Variants in TXNDC8 observed in about 807,000 individuals in gnomAD.
TXNDC8 encodes thioredoxin domain containing 8.
In TXNDC8, 15 loss-of-function variants were observed where a neutral mutation model predicts 12.9. That is an observed-to-expected ratio of 1.16 (90% CI 0.78 to 1.79). The LOEUF (loss-of-function observed/expected upper bound fraction) is 1.79. Ranked by LOEUF, TXNDC8 falls within the 40% of genes most tolerant of loss-of-function variation. TXNDC8 has a pLI of 0.00. For synonymous variants in TXNDC8, 40 were observed against 35.4 expected (o/e 1.13, Z -0.46); for missense variants, 128 against 113.2 (o/e 1.13, Z -0.59).
intron 2 of TXNDC8, 103 bp from the exon 4 acceptor site, chr9:110,326,343 A>G: frequency 8.9e-7 from 1 of 1,120,652 alleles, no homozygotes. Context: ...TGAAATTCCA[A>G]GGACACCTGA....
intron 3 of TXNDC8, among the ~76,000 whole-genome samples, chr9:110,310,200 G>GGTGTGT (rs67807947): frequency 2.7e-5 from 4 of 149,402 alleles, no homozygotes; most frequent in African/African-American, 9.8e-5. Context: ...CTTTGTGTGT[G>GGTGTGT]GTGTGTGTGT....
intron 3 of TXNDC8, among the ~76,000 whole-genome samples, chr9:110,312,166 A>G (rs1838714297): frequency 6.6e-6 from 1 of 152,158 alleles, no homozygotes; most frequent in Non-Finnish European, 1.5e-5. Context: ...ACAGCTTTTA[A>G]TAATTTAGTA....
In TXNDC8 at chr9:110,308,028, A is replaced by G. The variant is rs185071808; in HGVS notation, c.196-3496T>C. Reference sequence around the variant, plus strand: ...GTTCACATTTGGCAACCACAAAGGGATTCTGAGTGGAGTTACCCCTGACCT... The same window carrying G: ...GTTCACATTTGGCAACCACAAAGGGGTTCTGAGTGGAGTTACCCCTGACCT... On this transcript the variant is annotated intron_variant, in intron 3 of 4. Coordinates refer to ENST00000423740, the MANE Select transcript of TXNDC8 (RefSeq NM_001286946.2). 1.1e-4 allele frequency among the ~76,000 whole-genome samples: 17 copies of G among 152,320 alleles called. No individual in the cohort carries two copies. The East Asian group carries it at 3.3e-3, about 29-fold the overall frequency.
chr9:110,328,559 C>A (rs1839427563), intron 2 of TXNDC8, among the ~76,000 whole-genome samples: 1 of 152,226 alleles, frequency 6.6e-6, no homozygotes, highest in Non-Finnish European at 1.5e-5. Context: ...GTAATCCCAA[C>A]ACTTTGGGAG....
intron 3 of TXNDC8, among the ~76,000 whole-genome samples, chr9:110,308,046 C>T (rs1196344124): frequency 8.5e-5 from 13 of 152,210 alleles, no homozygotes; most frequent in Non-Finnish European, 1.8e-4. Flanking sequence ...TGGAGTTACC[C>T]CTGACCTTTG....
chr9:110,303,736 A>G (rs770136304), intron 4 of TXNDC8, 153 bp from the exon 6 acceptor site: 6 of 1,521,078 alleles, frequency 3.9e-6, no homozygotes, highest in East Asian at 4.8e-5. Flanking sequence ...CATTAAACAC[A>G]TTAAATTCAT....
intron 3 of TXNDC8, among the ~76,000 whole-genome samples, chr9:110,312,041 G>A (rs956619931): frequency 6.6e-6 from 1 of 151,416 alleles, no homozygotes; most frequent in South Asian, 2.1e-4. Flanking sequence ...CAGAGCAGGA[G>A]TTATCTGCAT....
chr9:110,304,524 T>C lies in TXNDC8; in HGVS notation c.204A>G (p.Leu68=), dbSNP rs1470444354. ...AAATTATTCTTTTGATTCTTGAGAA[T>C]AGGGTTACCTAAGTGTGGGTGCAGA... Residue 68 remains leucine (L), a synonymous_variant, in exon 4 of 5, where the codon CTA becomes CTG. Transcript: ENST00000423740. The C allele has an allele frequency of 1.2e-6, 2 of 1,608,590 alleles. No homozygotes were observed. The highest frequency in any genetic ancestry group is 1.7e-6 in the Non-Finnish European group (2 of 1,176,550).
chr9:110,305,796 TCTTTTCTTTTCTTTC>T (rs1435795822), intron 3 of TXNDC8, among the ~76,000 whole-genome samples: 3 of 99,372 alleles, frequency 3.0e-5, no homozygotes, highest in East Asian at 3.7e-4. Flanking sequence ...TTCTTTCTTT[TCTTTTCTTTTCTTTC>T]CTTTCCTTTC....
At chr9:110,329,331 T>C (rs749026360) in intron 2 of TXNDC8, 40 bp from the exon 3 acceptor site, 4 of 1,520,838 alleles carry the variant, frequency 2.6e-6, no homozygotes, top group South Asian at 2.3e-5. Context: ...TAGTTTGGTG[T>C]TAATATTAAA....
chr9:110,302,112 C>T (rs1289956204), downstream of TXNDC8, among the ~76,000 whole-genome samples: 1 of 152,102 alleles, frequency 6.6e-6, no homozygotes, highest in Admixed American at 6.6e-5. Flanking sequence ...ACCTCAGCCT[C>T]CCAAGCAGCT....
At chr9:110,331,595 A>T (rs1320007153) in intron 2 of TXNDC8, among the ~76,000 whole-genome samples, 1 of 152,168 alleles carries the variant, frequency 6.6e-6, no homozygotes. Context: ...ACAGTCATCT[A>T]ACCTTTTTGA....
At position 110,308,670 on chromosome 9, in the gene TXNDC8, TA is replaced by T. The variant is rs879490229; in HGVS notation, c.196-4139del. On this transcript the variant is annotated intron_variant, in intron 3 of 4. Coordinates refer to ENST00000423740, the MANE Select transcript of TXNDC8 (RefSeq NM_001286946.2). ...GGTTTCTGTGTTTGCTTCCTGTCTT[TA>T]AAAAAAAAAAGGTTCTCTCATTTAC... is the stretch of plus-strand genomic sequence containing the variant. 1.9e-3 allele frequency among the ~76,000 whole-genome samples: 271 copies of T among 145,270 alleles called. 1 individual carries two copies. Among genetic ancestry groups the T allele is most frequent in the African/African-American group, 4.1e-3 (165 of 39,950 alleles).
intron 3 of TXNDC8, 37 bp from the exon 5 acceptor site, chr9:110,304,569 T>C: frequency 1.3e-6 from 2 of 1,575,898 alleles, no homozygotes; most frequent in African/African-American, 2.7e-5. Context: ...TTTATCTGAG[T>C]TGCCTGGTTT....
chr9:110,304,631 G>C (rs563547209), intron 3 of TXNDC8, 99 bp from the exon 5 acceptor site: 7 of 1,104,624 alleles, frequency 6.3e-6, no homozygotes, highest in Non-Finnish European at 8.9e-6. Context: ...GGGAAGGAAG[G>C]TGTCAGAAAG....
chr9:110,317,846 A>G (rs529093110), intron 3 of TXNDC8, among the ~76,000 whole-genome samples: 4 of 152,224 alleles, frequency 2.6e-5, no homozygotes, highest in Admixed American at 6.5e-5. Flanking sequence ...TGTGTCTCCA[A>G]GAGAACTATG....
intron 3 of TXNDC8, among the ~76,000 whole-genome samples, chr9:110,318,703 C>T (rs982034098): frequency 1.3e-5 from 2 of 151,532 alleles, no homozygotes; most frequent in Non-Finnish European, 2.9e-5. Context: ...GTGCCACTGC[C>T]CTCCAGCCTG....
At chr9:110,333,323 T>C (rs1423923787) in intron 2 of TXNDC8, among the ~76,000 whole-genome samples, 1 of 152,114 alleles carries the variant, frequency 6.6e-6, no homozygotes, top group African/African-American at 2.4e-5. Flanking sequence ...ACTGTGCATG[T>C]GAGGGAGCTA....
At chr9:110,307,193 A>T (rs1412630733) in intron 3 of TXNDC8, among the ~76,000 whole-genome samples, 1 of 151,642 alleles carries the variant, frequency 6.6e-6, no homozygotes, top group Non-Finnish European at 1.5e-5. Context: ...GCCTCAAAAG[A>T]TCCTCCTGCC....
Sources: gnomAD v4.1 joint callset for allele counts (sites outside exome capture counted in the v4.1 genomes callset) on GRCh38, gnomAD v4.1.1 for gene constraint, MANE v1.5 for transcripts, NCBI Gene and HGNC (gene_info 2026-07-23, HGNC 2026-07-21) for gene names.